Variants in SCAF4 observed in about 807,000 individuals in gnomAD.
SCAF4 encodes SR-related and CTD-associated factor 4.
SCAF4 carries 25 observed loss-of-function variants against 129.8 expected under a neutral mutation model. The observed-to-expected ratio is 0.19, with a 90% CI of 0.14 to 0.27. The LOEUF is 0.27. Among genes scored for constraint, SCAF4 ranks in the 10% least tolerant of loss-of-function variants. The pLI, the probability that SCAF4 is intolerant of heterozygous loss-of-function variation, is 1.00. For missense variants in SCAF4, 1,246 were observed against 1,457.1 expected (o/e 0.86, Z 2.36); for synonymous variants, 551 against 497.7 (o/e 1.11, Z -1.43).
chr21:31,727,563 G>A (rs540427695), intron 1 of SCAF4, among the ~76,000 whole-genome samples: 188 of 152,298 alleles, frequency 1.2e-3, no homozygotes, highest in Non-Finnish European at 1.1e-3. Flanking sequence ...GGGAGGCCAG[G>A]AGGGTGGATC....
intron 16 of SCAF4, among the ~76,000 whole-genome samples, chr21:31,687,417 G>A (rs1336964399): frequency 6.6e-6 from 1 of 152,058 alleles, no homozygotes; most frequent in Non-Finnish European, 1.5e-5. Flanking sequence ...AAGCTTATAA[G>A]TGAAGTTACA....
chr21:31,685,250 A>G lies in SCAF4; in HGVS notation c.2297-10T>C. The G allele has an allele frequency of 6.4e-7, 1 of 1,570,592 alleles. No homozygotes were observed. Among genetic ancestry groups the G allele is most frequent in the South Asian group, 1.1e-5 (1 of 90,080 alleles). ...ATACCAGCGATAGTAGCTAAGGAAT[A>G]TAATTATATCAACATGTGAAGCTGA... On this transcript the variant is annotated splice_polypyrimidine_tract_variant and intron_variant, in intron 18 of 19. Coordinates refer to ENST00000286835, the MANE Select transcript of SCAF4 (RefSeq NM_020706.2).
intron 19 of SCAF4, among the ~76,000 whole-genome samples, chr21:31,677,880 T>G (rs1045798997): frequency 6.6e-6 from 1 of 152,130 alleles, no homozygotes; most frequent in Non-Finnish European, 1.5e-5. Flanking sequence ...AGTCTCCCCA[T>G]CTATAAAATG....
At chr21:31,687,088 C>T (rs549440445) in intron 16 of SCAF4, among the ~76,000 whole-genome samples, 1 of 152,226 alleles carries the variant, frequency 6.6e-6, no homozygotes, top group East Asian at 1.9e-4. Flanking sequence ...AAGAATGTAC[C>T]AAAGCATACA....
intron 1 of SCAF4, among the ~76,000 whole-genome samples, chr21:31,708,891 G>A (rs186701350): frequency 6.6e-6 from 1 of 152,334 alleles, no homozygotes; most frequent in Admixed American, 6.5e-5. Context: ...AGTCAAGAGG[G>A]TGAGGATGGC....
chr21:31,725,527 A>C (rs1435079901), intron 1 of SCAF4, among the ~76,000 whole-genome samples: 1 of 152,226 alleles, frequency 6.6e-6, no homozygotes, highest in Non-Finnish European at 1.5e-5. Context: ...ATAACCATGA[A>C]TATACAAGTA....
At chr21:31,699,371 C>A (rs1191625222) in intron 7 of SCAF4, among the ~76,000 whole-genome samples, 2 of 151,944 alleles carry the variant, frequency 1.3e-5, no homozygotes, top group Non-Finnish European at 2.9e-5. Context: ...AAACAAAAAA[C>A]TAGGAAAACC....
intron 1 of SCAF4, among the ~76,000 whole-genome samples, chr21:31,728,150 C>T (rs181218116): frequency 2.0e-5 from 3 of 152,248 alleles, no homozygotes; most frequent in African/African-American, 4.8e-5. Flanking sequence ...TCTACACCCC[C>T]TTCCTTGAAA....
At chr21:31,696,255 A>AG in intron 8 of SCAF4, 34 bp from the exon 9 acceptor site, 1 of 1,533,032 alleles carries the variant, frequency 6.5e-7, no homozygotes, top group Non-Finnish European at 9.0e-7. Context: ...TACCCATTCA[A>AG]AAGCACAAGC....
chr21:31,713,802 T>C (rs2050861626), intron 1 of SCAF4, among the ~76,000 whole-genome samples: 1 of 152,074 alleles, frequency 6.6e-6, no homozygotes, highest in South Asian at 2.1e-4. Context: ...AAAAACTTCA[T>C]GTTTTTCAAT....
chr21:31,685,025 T>A, intron 19 of SCAF4, 24 bp downstream of exon 19: 4 of 1,385,220 alleles, frequency 2.9e-6, no homozygotes, highest in Non-Finnish European at 4.1e-6. Flanking sequence ...CAAGGAAAAC[T>A]AATGATAAAA....
chr21:31,678,009 A>C (rs971835113), intron 19 of SCAF4, among the ~76,000 whole-genome samples: 4 of 152,174 alleles, frequency 2.6e-5, no homozygotes, highest in African/African-American at 9.7e-5. Flanking sequence ...TAGCTGCCAA[A>C]TGCTGAAGAA....
intron 3 of SCAF4, among the ~76,000 whole-genome samples, chr21:31,704,402 A>C (rs2050604977): frequency 6.6e-6 from 1 of 152,148 alleles, no homozygotes; most frequent in Non-Finnish European, 1.5e-5. Context: ...CAGCAGAGAA[A>C]AGCAGAGAAA....
chr21:31,673,718 AAT>A (rs1364524633), intron 19 of SCAF4, among the ~76,000 whole-genome samples: 11 of 152,244 alleles, frequency 7.2e-5, no homozygotes, highest in Non-Finnish European at 1.3e-4. Context: ...TTTGTAAAGA[AAT>A]AGTGTAGTTC....
intron 1 of SCAF4, among the ~76,000 whole-genome samples, chr21:31,710,032 G>C (rs564274797): frequency 6.6e-6 from 1 of 151,762 alleles, no homozygotes; most frequent in South Asian, 2.1e-4. Context: ...AGGAATATAG[G>C]GGGAAAAAAA....
At chr21:31,676,652 C>A (rs1220763760) in intron 19 of SCAF4, among the ~76,000 whole-genome samples, 1 of 152,150 alleles carries the variant, frequency 6.6e-6, no homozygotes, top group Non-Finnish European at 1.5e-5. Flanking sequence ...CAAGGTCCTC[C>A]TTCATCCTGT....
chr21:31,731,754 G>A lies in SCAF4; in HGVS notation c.-62C>T, dbSNP rs1234379231. ...GTCACATAGACCTCGCGCCGCGGCG[G>A]AGCGGGGCTGGGAAACCAGCCGGGC... On this transcript the variant is annotated 5_prime_UTR_variant, in exon 1 of 20. Coordinates refer to ENST00000286835, the MANE Select transcript of SCAF4 (RefSeq NM_020706.2). The A allele has an allele frequency of 2.6e-6, 4 of 1,541,926 alleles. No individual in the cohort carries two copies. The highest frequency in any genetic ancestry group is 2.6e-5 in the East Asian group (1 of 38,224).
intron 19 of SCAF4, chr21:31,683,851 G>A (rs192341748): frequency 6.6e-6 from 1 of 152,400 alleles, no homozygotes; most frequent in South Asian, 2.1e-4. Context: ...CATCATTATG[G>A]TAACTACACT....
rs1389293045 is a variant in SCAF4 at position 31,696,682 on chromosome 21, G to GGAT, written c.845_846insATC (p.Thr282_Thr283insSer). ...CAGGTGCTGTCGTGGTGACGGCAGT[G>GGAT]GTATCCTCTTTCTTTGATTCTTCCA... On this transcript the variant is annotated inframe_insertion, in exon 8 of 20. Coordinates refer to ENST00000286835, the MANE Select transcript of SCAF4 (RefSeq NM_020706.2). 1.2e-6 allele frequency: 2 copies of GGAT among 1,613,696 alleles called. No individual in the cohort carries two copies. Among genetic ancestry groups the GGAT allele is most frequent in the Admixed American group, 3.3e-5 (2 of 59,994 alleles).
Sources: gnomAD v4.1 joint callset for allele counts (sites outside exome capture counted in the v4.1 genomes callset) on GRCh38, gnomAD v4.1.1 for gene constraint, MANE v1.5 for transcripts, NCBI Gene and HGNC (gene_info 2026-07-23, HGNC 2026-07-21) for gene names.